The following KDM2B variants were observed in gnomAD, a reference collection of about 807,000 sequenced individuals.
KDM2B encodes lysine-specific demethylase 2B.
A neutral mutation model predicts 150.0 loss-of-function variants in KDM2B; 26 were observed. That is an observed-to-expected ratio of 0.17 (90% CI 0.13 to 0.24). The LOEUF (loss-of-function observed/expected upper bound fraction) is 0.24. Ranked by LOEUF, KDM2B falls within the 10% of genes least tolerant of loss-of-function variation. KDM2B has a pLI of 1.00. For missense variants in KDM2B, 1,265 were observed against 1,816.9 expected, an observed-to-expected ratio of 0.70 and a Z score of 5.52; for synonymous variants, 734 against 729.5, an observed-to-expected ratio of 1.01 and a Z score of -0.10.
At chr12:121,579,960 AG>A (rs375827536) in intron 1 of KDM2B, 333 of 1,452,756 alleles carry the variant, frequency 2.3e-4, no homozygotes, top group South Asian at 6.5e-4. Flanking sequence ...AAAAAAAAAA[AG>A]ATCTATCATA....
At chr12:121,459,568 C>T (rs566056941) in intron 12 of KDM2B, among the ~76,000 whole-genome samples, 16 of 152,314 alleles carry the variant, frequency 1.1e-4, no homozygotes, top group East Asian at 3.9e-4. Context: ...TGGTGGCTCA[C>T]GCCTGTGATC....
At chr12:121,421,582 G>A in the KDM2B span, among the ~76,000 whole-genome samples, 1 of 151,980 alleles carries the variant, frequency 6.6e-6, no homozygotes, top group African/African-American at 2.4e-5. Flanking sequence ...ATACATTGAT[G>A]AAATTTGGCA....
At chr12:121,534,644 C>G in intron 6 of KDM2B, 54 bp from the exon 7 acceptor site, 1 of 1,387,006 alleles carries the variant, frequency 7.2e-7, no homozygotes, top group Non-Finnish European at 1.0e-6. Context: ...AATCACAAGA[C>G]GTAAGCAAAG....
In KDM2B at chr12:121,549,041, AC is replaced by A. The variant is rs1180337573; in HGVS notation, c.577-59del. 2.8e-6 allele frequency: 4 copies of A among 1,408,270 alleles called. No individual in the cohort carries two copies. The highest frequency in any genetic ancestry group is 3.0e-6 in the Non-Finnish European group (3 of 996,186). 87.2% of individuals were successfully genotyped at this position (1,408,270 alleles called of 1,614,324 possible). A position where few individuals can be genotyped will look rare whatever the true frequency, so the allele number is the denominator to read the frequency against. ...CTCCACTGCCGAGCCAGACACAAAT[AC>A]CCCTTTCCCCGGAGAGTCCTTGGGC... On this transcript the variant is annotated intron_variant, in intron 5 of 22. Coordinates refer to ENST00000377071, the MANE Select transcript of KDM2B (RefSeq NM_032590.5). The surrounding 1 kb of genome is among the most constrained non-coding windows in gnomAD (Gnocchi z 4.4).
intron 4 of KDM2B, among the ~76,000 whole-genome samples, chr12:121,554,221 G>C (rs971637926): frequency 5.9e-5 from 9 of 151,460 alleles, no homozygotes; most frequent in African/African-American, 2.2e-4. Flanking sequence ...TTGGGCAACA[G>C]AGCCAGATCC....
chr12:121,462,426 T>C (rs1480819836), intron 12 of KDM2B, among the ~76,000 whole-genome samples: 7 of 151,866 alleles, frequency 4.6e-5, no homozygotes, highest in Non-Finnish European at 1.0e-4. Flanking sequence ...AAAATGTATA[T>C]AGGCACAAAG....
the KDM2B span, chr12:121,423,327 G>A: frequency 3.6e-6 from 5 of 1,403,996 alleles, no homozygotes; most frequent in Non-Finnish European, 4.9e-6. The surrounding 1 kb of genome is among the most constrained non-coding windows in gnomAD (Gnocchi z 4.3). Flanking sequence ...GGACTGGGAG[G>A]GTGGCTGGCT....
rs1555285078 is a variant in KDM2B, at chr12:121,430,083, T to TA, written c.*204dup. The TA allele has an allele frequency of 6.4e-7, 1 of 1,565,378 alleles. No homozygotes were observed. The highest frequency in any genetic ancestry group is 1.4e-5 in the African/African-American group (1 of 73,856). ...GAAATGGTCCAGAAAGCAGTGCAGT[T>TA]ACGATTCAGAAAGACCAAAGGAAAG... On this transcript the variant is annotated 3_prime_UTR_variant, in exon 23 of 23. Transcript: ENST00000377071. The surrounding 1 kb of genome is among the most constrained non-coding windows in gnomAD (Gnocchi z 4.4).
Position 121,574,651 on chromosome 12 carries a change from A to C in KDM2B, c.351-58T>G, listed in dbSNP as rs377461838. The C allele has an allele frequency of 5.9e-6, 9 of 1,531,040 alleles. No individual in the cohort carries two copies. The Middle Eastern group carries it at 6.8e-4, about 116-fold the overall frequency. The allele number at this position is 1,531,040 out of a possible 1,614,324, so 94.8% of individuals were successfully genotyped here. A position where few individuals can be genotyped will look rare whatever the true frequency, so the allele number is the denominator to read the frequency against. On this transcript the variant is annotated intron_variant, in intron 3 of 22. Coordinates refer to ENST00000377071, the MANE Select transcript of KDM2B (RefSeq NM_032590.5). ...AGGCCAGAAACAACAGAGCTAGACT[A>C]CCCTGGGCCCGGGGGGAAGCCATTT...
rs2138065340 is a variant in KDM2B, at chr12:121,442,077, G to A, written c.3284+80C>T. ...CTGGGGTTTGGAAGGAAAGAGCATC[G>A]CCAGCGACTCCACACACCACGGGCC... is the stretch of plus-strand genomic sequence containing the variant. On this transcript the variant is annotated intron_variant, in intron 19 of 22. Transcript: ENST00000377071. The surrounding 1 kb of genome is among the most constrained non-coding windows in gnomAD (Gnocchi z 7.7). The A allele has an allele frequency of 3.4e-6, 4 of 1,188,338 alleles. No individual in the cohort carries two copies. Among genetic ancestry groups the A allele is most frequent in the Middle Eastern group, 2.0e-4 (1 of 5,102 alleles). The allele number at this position is 1,188,338 out of a possible 1,614,324, so 73.6% of individuals were successfully genotyped here.
At chr12:121,560,487 G>T (rs896872277) in intron 4 of KDM2B, among the ~76,000 whole-genome samples, 1 of 152,140 alleles carries the variant, frequency 6.6e-6, no homozygotes, top group Non-Finnish European at 1.5e-5. Flanking sequence ...TGGGTGGGGG[G>T]TGCTCAGAAT....
At chr12:121,466,777 AC>A (rs1297769022) in intron 12 of KDM2B, among the ~76,000 whole-genome samples, 3 of 146,526 alleles carry the variant, frequency 2.0e-5, no homozygotes, top group Non-Finnish European at 3.0e-5. Flanking sequence ...GGCAGCCGGC[AC>A]GCGCGTGGGC....
chr12:121,419,213 T>A, the KDM2B span, among the ~76,000 whole-genome samples: 1 of 152,226 alleles, frequency 6.6e-6, no homozygotes, highest in African/African-American at 2.4e-5. Context: ...ATTACTGTGT[T>A]ATAGCTGCCT....
intron 6 of KDM2B, among the ~76,000 whole-genome samples, chr12:121,547,724 C>T (rs1345835291): frequency 6.7e-6 from 1 of 150,214 alleles, no homozygotes; most frequent in Non-Finnish European, 1.5e-5. Context: ...ATCACTGCAA[C>T]CTTCGCCTCC....
At chr12:121,437,050 AGAT>A (rs1329710697) in intron 22 of KDM2B, among the ~76,000 whole-genome samples, 1 of 152,166 alleles carries the variant, frequency 6.6e-6, no homozygotes, top group Non-Finnish European at 1.5e-5. Context: ...CCAAGAAAGA[AGAT>A]ATGAGATCAA....
At chr12:121,560,755 C>T (rs1474290359) in intron 4 of KDM2B, among the ~76,000 whole-genome samples, 1 of 152,102 alleles carries the variant, frequency 6.6e-6, no homozygotes, top group Non-Finnish European at 1.5e-5. Context: ...GCAAAGGGAA[C>T]CAGGCACACA....
intron 4 of KDM2B, among the ~76,000 whole-genome samples, chr12:121,550,783 C>A (rs556472563): frequency 1.3e-5 from 2 of 152,230 alleles, no homozygotes; most frequent in South Asian, 4.2e-4. Context: ...CATGAGCCAC[C>A]GCAACTGGCC....
At position 121,575,795 on chromosome 12, in the gene KDM2B, A is replaced by C; in HGVS notation, c.336T>G (p.Asp112Glu). ...CAGCAACTTACTTAATTCCCAGTCC[A>C]TCCTTTTCTCGAAATATCAGGGGAA... ...LRVPLIFREKDGLGIKMPDPD... is the reference protein window; with the variant it reads ...LRVPLIFREKEGLGIKMPDPD... Residue 112 changes from aspartate to glutamate, a missense_variant, in exon 3 of 23, where the codon GAT (aspartate) becomes GAG (glutamate). Transcript: ENST00000377071. This position sits in a 1 kb window ranked among gnomAD's most constrained non-coding sequence, Gnocchi z 4.4. 6.2e-7 allele frequency: 1 copy of C among 1,611,910 alleles called. No individual in the cohort carries two copies. The highest frequency in any genetic ancestry group is 1.1e-5 in the South Asian group (1 of 91,036).
At chr12:121,486,526 C>T (rs1224327720) in intron 12 of KDM2B, among the ~76,000 whole-genome samples, 1 of 151,470 alleles carries the variant, frequency 6.6e-6, no homozygotes, top group African/African-American at 2.4e-5. Flanking sequence ...GTGGCTCACT[C>T]TTGTAATCCC....
Sources: gnomAD v4.1 joint callset for allele counts (sites outside exome capture counted in the v4.1 genomes callset) on GRCh38, gnomAD v4.1.1 for gene constraint, Gnocchi (gnomAD v3.1) non-coding constraint, MANE v1.5 for transcripts, NCBI Gene and HGNC (gene_info 2026-07-23, HGNC 2026-07-21) for gene names.